Variants in LDB2 observed in about 807,000 individuals in gnomAD.
LDB2 encodes LIM domain-binding protein 2.
LDB2 carries 12 observed loss-of-function variants against 44.3 expected under a neutral mutation model. The observed-to-expected ratio is 0.27, with a 90% CI of 0.17 to 0.44. LDB2 has a LOEUF of 0.44. Among genes scored for constraint, LDB2 ranks in the 20% least tolerant of loss-of-function variants. LDB2 has a pLI of 1.00. For missense variants in LDB2, 344 were observed against 473.5 expected (o/e 0.73, Z 2.54); for synonymous variants, 164 against 174.8 (o/e 0.94, Z 0.49).
At chr4:16,877,081 T>C (rs1354398342) in intron 1 of LDB2, among the ~76,000 whole-genome samples, 1 of 152,136 alleles carries the variant, frequency 6.6e-6, no homozygotes, top group Admixed American at 6.5e-5. Flanking sequence ...CTAGAGCTTT[T>C]ATTCCAAACA....
At chr4:16,553,187 C>G (rs757630464) in intron 5 of LDB2, among the ~76,000 whole-genome samples, 28 of 152,180 alleles carry the variant, frequency 1.8e-4, no homozygotes, top group Non-Finnish European at 3.4e-4. Flanking sequence ...GGGTACCTTG[C>G]TCTGTCGCCT....
chr4:16,620,317 T>C (rs530252232), intron 2 of LDB2, among the ~76,000 whole-genome samples: 10 of 152,252 alleles, frequency 6.6e-5, no homozygotes, highest in African/African-American at 2.2e-4. Context: ...ATCCTAAATG[T>C]AAGGTGCAGG....
chr4:16,796,260 G>A (rs1231312377), intron 1 of LDB2, among the ~76,000 whole-genome samples: 1 of 152,098 alleles, frequency 6.6e-6, no homozygotes, highest in African/African-American at 2.4e-5. Context: ...ACTCCAGCCT[G>A]GGCAACAAAG....
At chr4:16,627,278 T>G (rs1295171306) in intron 2 of LDB2, among the ~76,000 whole-genome samples, 1 of 152,160 alleles carries the variant, frequency 6.6e-6, no homozygotes, top group East Asian at 1.9e-4. Context: ...ACTATAAATG[T>G]GTGTGGTAAT....
At chr4:16,664,356 TTC>T (rs1261821542) in intron 2 of LDB2, among the ~76,000 whole-genome samples, 1 of 152,180 alleles carries the variant, frequency 6.6e-6, no homozygotes, top group Non-Finnish European at 1.5e-5. Context: ...AGCAATAAAG[TTC>T]TGTTGTTTAT....
rs568853700 is a variant in LDB2 at position 16,661,936 on chromosome 4, C to T, written c.236-66061G>A. Among the ~76,000 whole-genome samples the T allele has an allele frequency of 3.5e-4, 53 of 152,256 alleles. No individual in the cohort carries two copies. In the Middle Eastern group the frequency reaches 0.017, roughly 49 times the overall value. Reference sequence around the variant, plus strand: ...TTTAATTACTGGGGCAGGTAGCACTCGCTCTTGGAAGATCTCAGCACAGAT... The same window carrying T: ...TTTAATTACTGGGGCAGGTAGCACTTGCTCTTGGAAGATCTCAGCACAGAT... On this transcript the variant is annotated intron_variant, in intron 2 of 7. Transcript: ENST00000304523.
At chr4:16,731,684 A>G (rs1164076527) in intron 2 of LDB2, among the ~76,000 whole-genome samples, 1 of 152,190 alleles carries the variant, frequency 6.6e-6, no homozygotes, top group Non-Finnish European at 1.5e-5. Flanking sequence ...GCCACCTAGT[A>G]TACGAAATTT....
At chr4:16,771,936 G>C (rs1770796180) in intron 1 of LDB2, among the ~76,000 whole-genome samples, 1 of 152,192 alleles carries the variant, frequency 6.6e-6, no homozygotes, top group Non-Finnish European at 1.5e-5. Flanking sequence ...GTTCGTCATT[G>C]CTGTGTAGGG....
intron 1 of LDB2, among the ~76,000 whole-genome samples, chr4:16,797,802 C>T (rs531232686): frequency 2.0e-5 from 3 of 151,740 alleles, no homozygotes; most frequent in East Asian, 3.9e-4. Flanking sequence ...TTTAGGAGGC[C>T]GAGGTGAGCG....
chr4:16,666,233 G>T (rs1027619625), intron 2 of LDB2, among the ~76,000 whole-genome samples: 1 of 152,234 alleles, frequency 6.6e-6, no homozygotes, highest in Non-Finnish European at 1.5e-5. Context: ...TCGCACTGCT[G>T]TGCAGGTTAC....
intron 1 of LDB2, among the ~76,000 whole-genome samples, chr4:16,847,595 A>ATGTTTGTTTGTT (rs77897455): frequency 0.012 from 1,740 of 141,796 alleles, 11 homozygotes; most frequent in South Asian, 0.026. Flanking sequence ...TCTTTAACAC[A>ATGTTTGTTTGTT]TGTTTGTTTG....
chr4:16,629,938 T>G (rs1731426717), intron 2 of LDB2, among the ~76,000 whole-genome samples: 1 of 152,042 alleles, frequency 6.6e-6, no homozygotes, highest in South Asian at 2.1e-4. Context: ...TGGGACTATG[T>G]GAAAAGACCA....
chr4:16,692,839 C>T (rs1388874004), intron 2 of LDB2, among the ~76,000 whole-genome samples: 1 of 152,122 alleles, frequency 6.6e-6, no homozygotes, highest in African/African-American at 2.4e-5. Flanking sequence ...CATATACTGG[C>T]CTATATGTAC....
At chr4:16,798,815 C>G (rs1334095620) in intron 1 of LDB2, among the ~76,000 whole-genome samples, 1 of 152,224 alleles carries the variant, frequency 6.6e-6, no homozygotes, top group Non-Finnish European at 1.5e-5. Flanking sequence ...AGAGATTCAG[C>G]AGTGCTTATT....
intron 1 of LDB2, among the ~76,000 whole-genome samples, chr4:16,772,435 G>C (rs207686): frequency 0.74 from 112,497 of 152,084 alleles, 44,845 homozygotes; most frequent in Non-Finnish European, 0.91. Flanking sequence ...CTATCAAGGA[G>C]ACACATTAAT....
intron 2 of LDB2, among the ~76,000 whole-genome samples, chr4:16,666,093 G>T (rs565704975): frequency 1.3e-5 from 2 of 152,264 alleles, no homozygotes; most frequent in South Asian, 4.1e-4. Flanking sequence ...ACATTTCTGC[G>T]GTTTTAAGCA....
At chr4:16,778,767 C>T (rs1176303111) in intron 1 of LDB2, among the ~76,000 whole-genome samples, 2 of 152,156 alleles carry the variant, frequency 1.3e-5, no homozygotes, top group African/African-American at 4.8e-5. Flanking sequence ...ATGTTGTCAT[C>T]ATCTCCATTT....
Position 16,783,842 on chromosome 4 carries a change from C to G in LDB2, c.133-24582G>C, listed in dbSNP as rs558801026. On this transcript the variant is annotated intron_variant, in intron 1 of 7. Transcript: ENST00000304523. Reference sequence around the variant, plus strand: ...AGTGGTTTTTGGTTTCCTTTTCCCCCCTTTTGCCTTTTTAAAAAAGTTTTT... The same window carrying G: ...AGTGGTTTTTGGTTTCCTTTTCCCCGCTTTTGCCTTTTTAAAAAAGTTTTT... 5.3e-5 allele frequency among the ~76,000 whole-genome samples: 8 copies of G among 152,276 alleles called. No homozygotes were observed. The South Asian group carries it at 1.7e-3, about 32-fold the overall frequency.
intron 1 of LDB2, among the ~76,000 whole-genome samples, chr4:16,884,553 C>T (rs991664314): frequency 2.0e-5 from 3 of 152,228 alleles, no homozygotes; most frequent in South Asian, 2.1e-4. Context: ...TTTGCATTTG[C>T]GTTCTTGCTA....
Sources: gnomAD v4.1 joint callset for allele counts (sites outside exome capture counted in the v4.1 genomes callset) on GRCh38, gnomAD v4.1.1 for gene constraint, MANE v1.5 for transcripts, NCBI Gene and HGNC (gene_info 2026-07-23, HGNC 2026-07-21) for gene names.